The following SPRED2 variants were observed in gnomAD, a reference collection of about 807,000 sequenced individuals.
SPRED2 encodes the protein sprouty related EVH1 domain containing 2, also known as sprouty-related, EVH1 domain-containing protein 2.
A neutral mutation model predicts 43.0 loss-of-function variants in SPRED2; 47 were observed. That is an observed-to-expected ratio of 1.09 (90% CI 0.87 to 1.40). SPRED2 has a LOEUF of 1.40. SPRED2 is among the 40% of genes most tolerant of loss of function. The pLI is 0.00. For missense variants in SPRED2, 561 were observed against 586.4 expected (o/e 0.96, Z 0.45); for synonymous variants, 225 against 225.7 (o/e 1.00, Z 0.03).
chr2:65,429,021 G>C (rs998066842), intron 1 of SPRED2, among the ~76,000 whole-genome samples: 2 of 152,182 alleles, frequency 1.3e-5, no homozygotes, highest in African/African-American at 4.8e-5. Context: ...AGAATGGTCA[G>C]TGTATTTTCT....
chr2:65,409,671 A>T (rs1381267864), intron 1 of SPRED2, among the ~76,000 whole-genome samples: 1 of 149,614 alleles, frequency 6.7e-6, no homozygotes, highest in Non-Finnish European at 1.5e-5. Flanking sequence ...TTTGAGTGCT[A>T]ATAAAACTCC....
intron 1 of SPRED2, among the ~76,000 whole-genome samples, chr2:65,374,552 T>C (rs1675195412): frequency 6.6e-6 from 1 of 152,260 alleles, no homozygotes; most frequent in Admixed American, 6.5e-5. Flanking sequence ...TGGTTTCTCA[T>C]GATTCCAGAA....
chr2:65,412,924 G>A (rs72621552), intron 1 of SPRED2, among the ~76,000 whole-genome samples: 8,749 of 152,148 alleles, frequency 0.058, 892 homozygotes, highest in East Asian at 0.44. Context: ...ATTGACTTGC[G>A]TGCACATCAG....
At chr2:65,337,220 T>C (rs992297267) in intron 2 of SPRED2, among the ~76,000 whole-genome samples, 1 of 152,202 alleles carries the variant, frequency 6.6e-6, no homozygotes, top group African/African-American at 2.4e-5. Context: ...CATATGTATC[T>C]AAGTTTAAAG....
At chr2:65,418,869 ATTT>A (rs111548471) in intron 1 of SPRED2, among the ~76,000 whole-genome samples, 4 of 151,238 alleles carry the variant, frequency 2.6e-5, no homozygotes, top group Admixed American at 6.6e-5. Flanking sequence ...ATTTCTTATC[ATTT>A]TTTTTTATTT....
intron 1 of SPRED2, among the ~76,000 whole-genome samples, chr2:65,426,478 C>T (rs546202577): frequency 6.6e-6 from 1 of 152,304 alleles, no homozygotes; most frequent in East Asian, 1.9e-4. Context: ...GAGAAGTAAC[C>T]TTGAATCCAA....
intron 1 of SPRED2, among the ~76,000 whole-genome samples, chr2:65,361,969 T>G (rs535432495): frequency 6.6e-6 from 1 of 152,320 alleles, no homozygotes; most frequent in Admixed American, 6.5e-5. Context: ...AACATGTGTT[T>G]AAAAGAAAAC....
At chr2:65,431,920 C>T in intron 1 of SPRED2, 42 bp downstream of exon 1, 1 of 1,612,438 alleles carries the variant, frequency 6.2e-7, no homozygotes. Flanking sequence ...CCCCACGCTG[C>T]CCCTGAGGGG....
chr2:65,313,382 G>A lies in SPRED2; in HGVS notation c.*119C>T. ...TGGTGCCTCGAGGTACCAGGGAGCT[G>A]GGAGGCCGCTTGCCCTCCTCGCTCC... On this transcript the variant is annotated 3_prime_UTR_variant, in exon 6 of 6. Coordinates refer to ENST00000356388, the MANE Select transcript of SPRED2 (RefSeq NM_181784.3). 2.0e-6 allele frequency: 3 copies of A among 1,498,910 alleles called. No individual in the cohort carries two copies. Among genetic ancestry groups the A allele is most frequent in the Non-Finnish European group, 2.6e-6 (3 of 1,132,286 alleles). 92.9% of individuals were successfully genotyped at this position (1,498,910 alleles called of 1,614,324 possible). A position where few individuals can be genotyped will look rare whatever the true frequency, so the allele number is the denominator to read the frequency against.
At chr2:65,356,555 T>TG (rs1674656609) in intron 1 of SPRED2, among the ~76,000 whole-genome samples, 18 of 140,494 alleles carry the variant, frequency 1.3e-4, no homozygotes, top group African/African-American at 4.9e-4. Context: ...TTTTTTTTTT[T>TG]TTTGTGTGTG....
intron 1 of SPRED2, among the ~76,000 whole-genome samples, chr2:65,375,166 C>T (rs1675212355): frequency 6.6e-6 from 1 of 152,240 alleles, no homozygotes; most frequent in Non-Finnish European, 1.5e-5. Flanking sequence ...TGCCTTGCCA[C>T]CCCTGATGTG....
chr2:65,350,855 G>A (rs922405275), intron 1 of SPRED2, among the ~76,000 whole-genome samples: 4 of 152,246 alleles, frequency 2.6e-5, no homozygotes, highest in Admixed American at 2.6e-4. Flanking sequence ...GCAGCACTGG[G>A]TCTCACAAAG....
intron 4 of SPRED2, among the ~76,000 whole-genome samples, chr2:65,325,572 A>C (rs1673586153): frequency 6.6e-6 from 1 of 152,252 alleles, no homozygotes; most frequent in Admixed American, 6.5e-5. Flanking sequence ...TTCATGTGCA[A>C]TGCCTCTCAC....
At chr2:65,331,440 A>C (rs1469868790) in intron 4 of SPRED2, among the ~76,000 whole-genome samples, 1 of 152,220 alleles carries the variant, frequency 6.6e-6, no homozygotes, top group Non-Finnish European at 1.5e-5. Flanking sequence ...AGCTGTGTCA[A>C]AACAGCTAAA....
At chr2:65,412,155 A>T (rs1184372770) in intron 1 of SPRED2, among the ~76,000 whole-genome samples, 1 of 151,806 alleles carries the variant, frequency 6.6e-6, no homozygotes, top group African/African-American at 2.4e-5. Context: ...AGAAAGAAAA[A>T]GAAAAAGAAA....
At chr2:65,413,413 T>G (rs1469216900) in intron 1 of SPRED2, among the ~76,000 whole-genome samples, 1 of 152,166 alleles carries the variant, frequency 6.6e-6, no homozygotes, top group Non-Finnish European at 1.5e-5. Context: ...TCCCACGTTA[T>G]GAAGAGATGT....
rs138844934 is a variant in SPRED2, at chr2:65,334,570, T to C, written c.373+35A>G. ...TTAAAAATAATTTGGAACATTTCCA[T>C]AGTCCCACTAAGAATGCAGCGACAA... On this transcript the variant is annotated intron_variant, in intron 3 of 5. Transcript: ENST00000356388. 878 of 1,600,734 alleles carry C rather than the reference T, an allele frequency of 5.5e-4. 4 individuals are homozygous for C. In the African/African-American group the frequency reaches 0.01, roughly 18 times the overall value.
intron 1 of SPRED2, among the ~76,000 whole-genome samples, chr2:65,399,517 G>A (rs1037054042): frequency 5.3e-5 from 8 of 150,948 alleles, no homozygotes; most frequent in African/African-American, 1.9e-4. Context: ...CTAGTAGCTG[G>A]AACTACAGGT....
chr2:65,376,404 C>T (rs1021165030), intron 1 of SPRED2, among the ~76,000 whole-genome samples: 3 of 152,018 alleles, frequency 2.0e-5, no homozygotes, highest in African/African-American at 7.3e-5. Context: ...CATAATGAAG[C>T]CATTAATTTA....
Sources: allele counts gnomAD v4.1 joint callset (sites outside exome capture counted in the v4.1 genomes callset), GRCh38; gene constraint gnomAD v4.1.1; transcripts MANE v1.5; gene names NCBI Gene and HGNC (gene_info 2026-07-23, HGNC 2026-07-21).